Variants in KIAA1328 observed in about 807,000 individuals in gnomAD.
KIAA1328 encodes the protein protein hinderin.
A neutral mutation model predicts 68.1 loss-of-function variants in KIAA1328; 52 were observed. That is an observed-to-expected ratio of 0.76 (90% CI 0.61 to 0.96). The LOEUF (loss-of-function observed/expected upper bound fraction) is 0.96, where lower values mean the gene tolerates loss of function less well. Among genes scored for constraint, KIAA1328 ranks in the 40% least tolerant of loss-of-function variants. KIAA1328 has a pLI of 0.00. For missense variants in KIAA1328, 641 were observed against 677.6 expected, an observed-to-expected ratio of 0.95 and a Z score of 0.60; for synonymous variants, 232 against 239.4, an observed-to-expected ratio of 0.97 and a Z score of 0.28.
intron 9 of KIAA1328, among the ~76,000 whole-genome samples, chr18:37,203,453 C>G (rs997638889): frequency 6.6e-6 from 1 of 152,166 alleles, no homozygotes; most frequent in African/African-American, 2.4e-5. Context: ...TATAACCTTT[C>G]TTACCAAAAA....
chr18:37,200,661 A>C (rs1186260878), intron 9 of KIAA1328, among the ~76,000 whole-genome samples: 2 of 151,012 alleles, frequency 1.3e-5, no homozygotes, highest in East Asian at 3.9e-4. Context: ...AATACAAAAA[A>C]TTAGCCGGGC....
intron 7 of KIAA1328, among the ~76,000 whole-genome samples, chr18:37,108,381 G>C (rs950928203): frequency 1.3e-5 from 2 of 151,866 alleles, no homozygotes; most frequent in Non-Finnish European, 2.9e-5. Flanking sequence ...GGGAGGGGGC[G>C]GGTAGTTAAA....
At chr18:37,021,948 G>A (rs2054363304) in intron 6 of KIAA1328, among the ~76,000 whole-genome samples, 1 of 152,058 alleles carries the variant, frequency 6.6e-6, no homozygotes, top group Non-Finnish European at 1.5e-5. Flanking sequence ...GCTGAGGCAG[G>A]AGAATGACGT....
At chr18:36,983,512 T>C (rs974088905) in intron 6 of KIAA1328, among the ~76,000 whole-genome samples, 14 of 151,992 alleles carry the variant, frequency 9.2e-5, no homozygotes, top group African/African-American at 3.4e-4. Flanking sequence ...TCTAAGGATG[T>C]AGAACACTTC....
intron 7 of KIAA1328, among the ~76,000 whole-genome samples, chr18:37,133,524 A>AC (rs2058572743): frequency 8.0e-6 from 1 of 125,278 alleles, no homozygotes; most frequent in African/African-American, 3.6e-5. Context: ...TCTATATAGT[A>AC]ATTTTTTTTT....
intron 6 of KIAA1328, among the ~76,000 whole-genome samples, chr18:36,966,908 G>T (rs920148064): frequency 3.3e-5 from 5 of 152,126 alleles, no homozygotes; most frequent in Admixed American, 1.3e-4. Context: ...GTGGAAACTG[G>T]TAAAACAGTC....
chr18:36,879,126 G>A (rs777411045), intron 4 of KIAA1328, among the ~76,000 whole-genome samples: 1 of 152,018 alleles, frequency 6.6e-6, no homozygotes, highest in Non-Finnish European at 1.5e-5. Context: ...CAGCCTTTTT[G>A]TGCTGGTTTT....
chr18:36,870,169 G>A (rs2047898980), intron 4 of KIAA1328, among the ~76,000 whole-genome samples: 1 of 152,050 alleles, frequency 6.6e-6, no homozygotes, highest in Non-Finnish European at 1.5e-5. Flanking sequence ...GCCTGAAAGT[G>A]TTATTCTTAC....
At chr18:37,078,687 C>T (rs2056838245) in intron 7 of KIAA1328, among the ~76,000 whole-genome samples, 1 of 149,888 alleles carries the variant, frequency 6.7e-6, no homozygotes, top group Non-Finnish European at 1.5e-5. Flanking sequence ...ACAGACACTT[C>T]TCAAAAGAAG....
At chr18:36,876,378 C>T (rs1461393669) in intron 4 of KIAA1328, among the ~76,000 whole-genome samples, 3 of 152,038 alleles carry the variant, frequency 2.0e-5, no homozygotes, top group Admixed American at 6.6e-5. Context: ...TTCAGGGATT[C>T]GACTTCTTTC....
At chr18:37,003,574 A>G (rs927003770) in intron 6 of KIAA1328, among the ~76,000 whole-genome samples, 12 of 152,240 alleles carry the variant, frequency 7.9e-5, no homozygotes, top group Middle Eastern at 3.4e-3. Flanking sequence ...TTTGCTGTGC[A>G]GAAGCTCTTT....
At chr18:37,084,481 T>TTG in intron 7 of KIAA1328, 1 of 239,446 alleles carries the variant, frequency 4.2e-6, no homozygotes, top group South Asian at 1.6e-4. Flanking sequence ...TTTTTGTTTT[T>TTG]TTTTTTTTTT....
At chr18:36,893,618 A>C (rs938085155) in intron 5 of KIAA1328, among the ~76,000 whole-genome samples, 1 of 152,092 alleles carries the variant, frequency 6.6e-6, no homozygotes, top group East Asian at 1.9e-4. Flanking sequence ...CGCCACACCC[A>C]ATAGAACTTT....
At chr18:37,075,719 A>G (rs958575591) in intron 7 of KIAA1328, 2 of 152,202 alleles carry the variant, frequency 1.3e-5, no homozygotes, top group Non-Finnish European at 1.5e-5. Context: ...ACCAACAAAG[A>G]TCAAAAGAGA....
intron 6 of KIAA1328, among the ~76,000 whole-genome samples, chr18:36,987,477 G>A (rs1159047835): frequency 8.0e-5 from 8 of 100,370 alleles, no homozygotes; most frequent in African/African-American, 2.0e-4. Flanking sequence ...CTAAAACTTA[G>A]AGTATAATAA....
chr18:36,981,363 A>G (rs908351154), intron 6 of KIAA1328, among the ~76,000 whole-genome samples: 3 of 152,228 alleles, frequency 2.0e-5, no homozygotes, highest in Non-Finnish European at 4.4e-5. Context: ...AGAGAAATAC[A>G]TAAATATATA....
intron 5 of KIAA1328, among the ~76,000 whole-genome samples, chr18:36,913,132 T>A (rs2049523596): frequency 6.6e-6 from 1 of 152,140 alleles, no homozygotes; most frequent in African/African-American, 2.4e-5. Context: ...TTTGGGAGTC[T>A]GAGAGTCTTT....
At chr18:36,994,839 A>G (rs1005412974) in intron 6 of KIAA1328, among the ~76,000 whole-genome samples, 1 of 152,100 alleles carries the variant, frequency 6.6e-6, no homozygotes, top group Non-Finnish European at 1.5e-5. Context: ...ATTTCTGGTA[A>G]TATCCAGTGT....
chr18:36,927,242 T>C (rs1391619144), intron 5 of KIAA1328, among the ~76,000 whole-genome samples: 2 of 152,176 alleles, frequency 1.3e-5, no homozygotes, highest in Non-Finnish European at 2.9e-5. Flanking sequence ...TAATGTAAGA[T>C]ACTAATGATA....
Sources: allele counts gnomAD v4.1 joint callset (sites outside exome capture counted in the v4.1 genomes callset), GRCh38; gene constraint gnomAD v4.1.1; transcripts MANE v1.5; gene names NCBI Gene and HGNC (gene_info 2026-07-23, HGNC 2026-07-21).